GLA: variants seen among roughly 807,000 people sequenced by gnomAD.
The protein encoded by GLA is galactosidase alpha, also known as alpha-galactosidase A.
A neutral mutation model predicts 28.2 loss-of-function variants in GLA; 4 were observed. That is an observed-to-expected ratio of 0.14 (90% CI 0.07 to 0.32). GLA has a LOEUF of 0.32. Ranked by LOEUF, GLA falls within the 10% of genes least tolerant of loss-of-function variation. The pLI, the probability that GLA is intolerant of heterozygous loss-of-function variation, is 1.00. For missense variants in GLA, 203 were observed against 323.7 expected, an observed-to-expected ratio of 0.63 and a Z score of 2.86; for synonymous variants, 94 against 113.0, an observed-to-expected ratio of 0.83 and a Z score of 1.07.
At position 101,397,837 on chromosome X, in the gene GLA, A is replaced by G; in HGVS notation, c.1262T>C (p.Met421Thr). 1 of 1,207,128 alleles carries G rather than the reference A, an allele frequency of 8.3e-7. No individual in the cohort carries two copies. The highest frequency in any genetic ancestry group is 1.1e-6 in the Non-Finnish European group (1 of 890,883). ...AAGTAAGTCTTTTAATGACATCTGC[A>G]TTGTATTTTCTAGCTGAAGCAAAAC... ...GTVLLQLENTMQMSLKDLL is the reference protein window; with the variant it reads ...GTVLLQLENTTQMSLKDLL The change falls in exon 7 of 7, where the codon ATG becomes ACG. Residue 421 changes from methionine to threonine, a missense_variant. Met to Thr is a moderately conservative substitution (Grantham distance 81, BLOSUM62 -1). This residue lies in a region of GLA where 162 missense variants were observed against 246.8 expected (regional missense o/e 0.66). Coordinates refer to ENST00000218516, the MANE Select transcript of GLA (RefSeq NM_000169.3).
rs1928578650 is a variant in GLA at position 101,407,723 on chromosome X, C to T, written c.181G>A (p.Asp61Asn). ...AATATCTGATACCTGATGCAGGAAT[C>T]TGGCTCTTCCTGGCAGTCAAGGTTG... ...MCNLDCQEEP[D>N]SCISEKLFME... Residue 61 changes from aspartate (D) to asparagine (N), a missense_variant, in exon 1 of 7, where the codon GAT becomes AAT. Physicochemically the swap from Asp to Asn is conservative, Grantham distance 23. This residue lies in a region of GLA where 11 missense variants were observed against 44.6 expected (regional missense o/e 0.25). Transcript: ENST00000218516. The T allele has an allele frequency of 4.1e-6, 5 of 1,208,234 alleles. No individual in the cohort carries two copies. Among genetic ancestry groups the T allele is most frequent in the Non-Finnish European group, 5.6e-6 (5 of 892,214 alleles).
Position 101,397,971 on chromosome X carries a change from C to T in GLA, c.1128G>A (p.Val376=). The T allele has an allele frequency of 8.3e-7, 1 of 1,210,965 alleles. No individual in the cohort carries two copies. The highest frequency in any genetic ancestry group is 1.1e-6 in the Non-Finnish European group (1 of 894,879). ...TIAVASLGKG[V]ACNPACFITQ... ...TGATGAAGCAGGCAGGATTACAGGC[C>T]ACTCCTTTACCCAGGGAAGCAACTG... is the stretch of plus-strand genomic sequence containing the variant. Residue 376 remains valine, a synonymous_variant, in exon 7 of 7, where the codon GTG becomes GTA. Coordinates refer to ENST00000218516, the MANE Select transcript of GLA (RefSeq NM_000169.3).
Position 101,405,256 on chromosome X carries a change from A to T in GLA, c.195-1271T>A, listed in dbSNP as rs60618987. Reference sequence around the variant, plus strand: ...CAGCTCAAAAAAAAAAAAAAAAAGAAAAAAAAGATAAAGGAAGCTAGTGTG... The same window carrying T: ...CAGCTCAAAAAAAAAAAAAAAAAGATAAAAAAGATAAAGGAAGCTAGTGTG... On this transcript the variant is annotated intron_variant, in intron 1 of 6. Transcript: ENST00000218516. 1.3e-3 allele frequency among the ~76,000 whole-genome samples: 137 copies of T among 109,118 alleles called. 1 individual carries two copies. The highest frequency in any genetic ancestry group is 4.5e-3 in the African/African-American group (133 of 29,884). The allele number at this position is 109,118 out of a possible 115,157, so 94.8% of individuals were successfully genotyped here. A position where few individuals can be genotyped will look rare whatever the true frequency, so the allele number is the denominator to read the frequency against.
rs797044613 is a variant in GLA at position 101,407,780 on chromosome X, T to G, written c.124A>C (p.Met42Leu). 4.1e-6 allele frequency: 5 copies of G among 1,209,691 alleles called. No homozygotes were observed. Among genetic ancestry groups the G allele is most frequent in the Non-Finnish European group, 5.6e-6 (5 of 894,681 alleles). Residue 42 changes from methionine to leucine, a missense_variant, in exon 1 of 7, where the codon ATG becomes CTG. Coordinates refer to ENST00000218516, the MANE Select transcript of GLA (RefSeq NM_000169.3). ...AAGCGCTCCCAGTGCAGCCAGCCCA[T>G]GGTAGGCGTCCTTGCCAATCCATTG... ...LDNGLARTPT[M>L]GWLHWERFMC...
At chrX:101,405,917 C>CA (rs1209990610) in intron 1 of GLA, among the ~76,000 whole-genome samples, 15 of 92,221 alleles carry the variant, frequency 1.6e-4, no homozygotes, top group African/African-American at 2.8e-4. Flanking sequence ...GACCCCCTCT[C>CA]AAAAAAAAAA....
intron 1 of GLA, among the ~76,000 whole-genome samples, chrX:101,405,963 G>T (rs1370023073): frequency 9.8e-6 from 1 of 101,618 alleles, no homozygotes; most frequent in Non-Finnish European, 2.0e-5. Flanking sequence ...CCAGCACTTT[G>T]GGAGGCTGAG....
At chrX:101,406,483 C>A (rs782395844) in intron 1 of GLA, among the ~76,000 whole-genome samples, 1 of 111,117 alleles carries the variant, frequency 9.0e-6, no homozygotes, top group South Asian at 3.8e-4. Context: ...TCATTTTGCT[C>A]TTCTTTATCT....
At chrX:101,401,247 G>T (rs931395372) in intron 3 of GLA, 4 of 247,525 alleles carry the variant, frequency 1.6e-5, no homozygotes, top group Non-Finnish European at 2.9e-5. Flanking sequence ...CAGACTGCTG[G>T]GATTGTTCTG....
rs1928452926 is a variant in GLA at position 101,405,102 on chromosome X, G to A, written c.195-1117C>T. ...AAAATACAAAATAGCTAGGCGTGGTGGCGCATGCCTGTAATTCCAGCTACT... is the reference window on the plus strand; with the variant it reads ...AAAATACAAAATAGCTAGGCGTGGTAGCGCATGCCTGTAATTCCAGCTACT... On this transcript the variant is annotated intron_variant, in intron 1 of 6. Coordinates refer to ENST00000218516, the MANE Select transcript of GLA (RefSeq NM_000169.3). Among the ~76,000 whole-genome samples the A allele has an allele frequency of 2.8e-5, 3 of 109,039 alleles. No individual in the cohort carries two copies. The South Asian group carries it at 1.2e-3, about 44-fold the overall frequency. The allele number at this position is 109,039 out of a possible 115,157, so 94.7% of individuals were successfully genotyped here.
intron 1 of GLA, 49 bp downstream of exon 1, chrX:101,407,661 C>T (rs1275980882): frequency 1.8e-6 from 2 of 1,120,155 alleles, no homozygotes; most frequent in Admixed American, 2.2e-5. Context: ...CCCAAACACA[C>T]CCAAACACAT....
At chrX:101,405,900 AGAGT>A (rs1463950705) in intron 1 of GLA, among the ~76,000 whole-genome samples, 2 of 106,601 alleles carry the variant, frequency 1.9e-5, no homozygotes, top group Non-Finnish European at 3.9e-5. Context: ...CCTGGGTGAC[AGAGT>A]GAGACCCCCT....
intron 1 of GLA, among the ~76,000 whole-genome samples, chrX:101,404,731 G>A (rs1224481715): frequency 1.8e-5 from 2 of 108,763 alleles, no homozygotes; most frequent in African/African-American, 3.3e-5. Context: ...CATCGCATCC[G>A]GCTAATTTTT....
chrX:101,407,046 C>G (rs1295458873), intron 1 of GLA, among the ~76,000 whole-genome samples: 2 of 112,127 alleles, frequency 1.8e-5, no homozygotes, highest in East Asian at 5.6e-4. Context: ...ATGTTCAATA[C>G]CTATCTAATC....
In GLA at chrX:101,403,844, G is replaced by A. The variant is rs74795363; in HGVS notation, c.336C>T (p.Arg112=). 1 of 1,211,641 alleles carries A rather than the reference G, an allele frequency of 8.3e-7. No individual in the cohort carries two copies. The highest frequency in any genetic ancestry group is 1.1e-6 in the Non-Finnish European group (1 of 895,065). Residue 112 remains arginine (R), a synonymous_variant, in exon 2 of 7, where the codon CGC becomes CGT. Coordinates refer to ENST00000218516, the MANE Select transcript of GLA (RefSeq NM_000169.3). ...CTAGCTGGCGAATCCCATGAGGAAA[G>A]CGCTGAGGGTCTGCCTGAAGTCTGC... is the stretch of plus-strand genomic sequence containing the variant. ...SEGRLQADPQ[R]FPHGIRQLAN...
At chrX:101,398,740 C>A in intron 5 of GLA, 45 bp downstream of exon 5, 8 of 1,179,449 alleles carry the variant, frequency 6.8e-6, no homozygotes, top group Non-Finnish European at 6.9e-6. Context: ...AAATAGGAAA[C>A]AAGCCTACCG....
At chrX:101,404,060 T>C in intron 1 of GLA, 75 bp from the exon 2 acceptor site, 1 of 948,806 alleles carries the variant, frequency 1.1e-6, no homozygotes, top group Non-Finnish European at 1.5e-6. Flanking sequence ...TTAGGCACCT[T>C]GGGATTTCAC....
At chrX:101,406,873 C>T (rs782412860) in intron 1 of GLA, among the ~76,000 whole-genome samples, 7 of 112,746 alleles carry the variant, frequency 6.2e-5, no homozygotes, top group Admixed American at 1.9e-4. Context: ...GCTCTGTAAG[C>T]GCAGTTGAAT....
chrX:101,405,737 A>C (rs782583821), intron 1 of GLA, among the ~76,000 whole-genome samples: 6 of 110,317 alleles, frequency 5.4e-5, no homozygotes, highest in Non-Finnish European at 1.1e-4. Context: ...CTTGGGCAAC[A>C]TGGTGAAACC....
rs138886989 is a variant in GLA, at chrX:101,401,763, T to C, written c.416A>G (p.Asn139Ser). The C allele has an allele frequency of 8.8e-5, 106 of 1,209,646 alleles. No homozygotes were observed. The highest frequency in any genetic ancestry group is 1.1e-4 in the Non-Finnish European group (98 of 894,598). The change falls in exon 3 of 7, where the codon AAT (asparagine) becomes AGT (serine). Residue 139 changes from asparagine to serine, a missense_variant. Asn to Ser is a conservative substitution (Grantham distance 46, BLOSUM62 1). Around this residue, in one of 3 missense-constraint regions of GLA, gnomAD observed 162 missense variants for 246.8 expected, o/e 0.66. Transcript: ENST00000218516. Reference sequence around the variant, plus strand: ...CCCAGGGAAGCCTGCGCAGGTTTTATTTCCAACATCTGCATAAATCCCTAG... The same window carrying C: ...CCCAGGGAAGCCTGCGCAGGTTTTACTTCCAACATCTGCATAAATCCCTAG... ...LKLGIYADVG[N>S]KTCAGFPGSF... is the part of the protein sequence containing the mutation.
Sources: allele counts gnomAD v4.1 joint callset (sites outside exome capture counted in the v4.1 genomes callset), GRCh38; gene constraint gnomAD v4.1.1; regional missense constraint gnomAD v4.1.1; transcripts MANE v1.5; gene names NCBI Gene and HGNC (gene_info 2026-07-23, HGNC 2026-07-21).